The following PEX11A variants were observed in gnomAD, a reference collection of about 807,000 sequenced individuals.
PEX11A encodes peroxisomal biogenesis factor 11 alpha.
A neutral mutation model predicts 14.4 loss-of-function variants in PEX11A; 13 were observed. That is an observed-to-expected ratio of 0.90 (90% CI 0.59 to 1.43). PEX11A has a LOEUF of 1.43. PEX11A is among the 40% of genes most tolerant of loss of function. The pLI is 0.00. For missense variants in PEX11A, 290 were observed against 302.8 expected (o/e 0.96, Z 0.31); for synonymous variants, 101 against 113.0 (o/e 0.89, Z 0.67).
At position 89,681,658 on chromosome 15, in the gene PEX11A, T is replaced by A. The variant is rs1486086038; in HGVS notation, c.*1719A>T. ...AGCTTTCATGTCTCTTAAAATTCCC[T>A]AAATTTTATTTCTCAAATCCCATAT... On this transcript the variant is annotated 3_prime_UTR_variant, in exon 3 of 3. Coordinates refer to ENST00000300056, the MANE Select transcript of PEX11A (RefSeq NM_003847.3). 5.4e-6 allele frequency: 3 copies of A among 550,548 alleles called. No homozygotes were observed. Among genetic ancestry groups the A allele is most frequent in the Non-Finnish European group, 6.5e-6 (2 of 308,868 alleles). The allele number at this position is 550,548 out of a possible 1,614,324, so 34.1% of individuals were successfully genotyped here. A position where few individuals can be genotyped will look rare whatever the true frequency, so the allele number is the denominator to read the frequency against.
chr15:89,686,548 T>C lies in PEX11A; in HGVS notation c.57-2A>G, dbSNP rs753697227. 15 of 1,374,334 alleles carry C rather than the reference T, an allele frequency of 1.1e-5. No homozygotes were observed. The highest frequency in any genetic ancestry group is 1.8e-4 in the Middle Eastern group (1 of 5,492). 85.1% of individuals were successfully genotyped at this position (1,374,334 alleles called of 1,614,324 possible). On this transcript the variant is annotated splice_acceptor_variant, in intron 1 of 2. Transcript: ENST00000300056. LOFTEE classifies it high-confidence loss of function. The stretch of plus-strand genomic sequence containing the variant: ...AACATGCATGTGTACTGAGTGGCTC[T>C]GAAATGGAAAAAAAAAAATTGAGAA...
At chr15:89,687,059 G>T (rs1964688586) in intron 1 of PEX11A, among the ~76,000 whole-genome samples, 2 of 152,056 alleles carry the variant, frequency 1.3e-5, no homozygotes, top group Non-Finnish European at 2.9e-5. Context: ...GAGTAGCTGG[G>T]ATTACAGGTG....
chr15:89,690,488 A>G, intron 1 of PEX11A, 89 bp downstream of exon 1: 3 of 952,174 alleles, frequency 3.2e-6, no homozygotes, highest in Non-Finnish European at 4.8e-6. Flanking sequence ...CTACTAGGCT[A>G]TCACCTCCTT....
rs774027019 is a variant in PEX11A at position 89,683,981 on chromosome 15, T to C, written c.173-33A>G. 82 of 1,421,248 alleles carry C rather than the reference T, an allele frequency of 5.8e-5. No individual in the cohort carries two copies. The East Asian group carries it at 1.2e-3, about 20-fold the overall frequency. 88.0% of individuals were successfully genotyped at this position (1,421,248 alleles called of 1,614,324 possible). A position where few individuals can be genotyped will look rare whatever the true frequency, so the allele number is the denominator to read the frequency against. On this transcript the variant is annotated intron_variant, in intron 2 of 2. Transcript: ENST00000300056. The stretch of plus-strand genomic sequence containing the variant: ...TAGAACCCACAATAGTGAACAGTTA[T>C]TTCATTAGTACACAACAGGAAGATA...
chr15:89,683,761 T>C lies in PEX11A; in HGVS notation c.360A>G (p.Arg120=). ...LTSGINKEKW[R]TRAAHHYYYS... ...AGTAGTAGTGGTGAGCAGCCCTCGT[T>C]CGCCATTTCTCTTTGTTGATGCCAG... The change falls in exon 3 of 3, where the codon CGA becomes CGG. Residue 120 remains arginine (R), a synonymous_variant. Transcript: ENST00000300056. 1 of 1,614,188 alleles carries C rather than the reference T, an allele frequency of 6.2e-7. No individual in the cohort carries two copies. The highest frequency in any genetic ancestry group is 1.3e-5 in the African/African-American group (1 of 75,048).
At chr15:89,685,796 C>T (rs59488765) in intron 2 of PEX11A, among the ~76,000 whole-genome samples, 3,848 of 152,186 alleles carry the variant, frequency 0.025, 169 homozygotes, top group African/African-American at 0.088. Flanking sequence ...ATATGTGATG[C>T]TCTACATTCC....
rs772199866 is a variant in PEX11A at position 89,683,353 on chromosome 15, A to G, written c.*24T>C. ...CAAGAGGCCATCTTTTAAAGTAGGT[A>G]CTAGTTCCAAGCCTAAAAACACCCT... is the stretch of plus-strand genomic sequence containing the variant. On this transcript the variant is annotated 3_prime_UTR_variant, in exon 3 of 3. Coordinates refer to ENST00000300056, the MANE Select transcript of PEX11A (RefSeq NM_003847.3). The G allele has an allele frequency of 1.3e-6, 2 of 1,503,730 alleles. No individual in the cohort carries two copies. Among genetic ancestry groups the G allele is most frequent in the East Asian group, 4.5e-5 (2 of 44,382 alleles). The allele number at this position is 1,503,730 out of a possible 1,614,324, so 93.1% of individuals were successfully genotyped here.
intron 2 of PEX11A, 52 bp downstream of exon 2, chr15:89,686,379 G>T: frequency 1.2e-6 from 1 of 811,618 alleles, no homozygotes; most frequent in Non-Finnish European, 2.2e-6. Flanking sequence ...AGGGTCTGAG[G>T]CTGAGGATTC....
chr15:89,686,430 C>T lies in PEX11A; in HGVS notation c.172+1G>A, dbSNP rs549392524. On this transcript the variant is annotated splice_donor_variant, in intron 2 of 2. Transcript: ENST00000300056. LOFTEE classifies it high-confidence loss of function. ...TGTCCCTCAAGAAACAGGGTACTTA[C>T]ATTTACGACCAGTGCTCACACTGGA... The T allele has an allele frequency of 1.1e-4, 150 of 1,381,288 alleles. No individual in the cohort carries two copies. The highest frequency in any genetic ancestry group is 1.5e-4 in the Non-Finnish European group (145 of 969,220). The allele number at this position is 1,381,288 out of a possible 1,614,324, so 85.6% of individuals were successfully genotyped here.
At chr15:89,685,762 T>C (rs576123963) in intron 2 of PEX11A, among the ~76,000 whole-genome samples, 36 of 152,210 alleles carry the variant, frequency 2.4e-4, no homozygotes, top group African/African-American at 8.2e-4. Flanking sequence ...CTATATAACA[T>C]AGGTGCTCAA....
chr15:89,689,360 G>A (rs1964751344), intron 1 of PEX11A, among the ~76,000 whole-genome samples: 1 of 152,160 alleles, frequency 6.6e-6, no homozygotes, highest in African/African-American at 2.4e-5. Context: ...CAAAACACTG[G>A]GAACAATAGC....
chr15:89,689,325 T>A (rs1462723880), intron 1 of PEX11A, among the ~76,000 whole-genome samples: 1 of 152,174 alleles, frequency 6.6e-6, no homozygotes, highest in African/African-American at 2.4e-5. Flanking sequence ...AGGGTTGTGA[T>A]GAGGGTTATA....
At position 89,690,562 on chromosome 15, in the gene PEX11A, T is replaced by G; in HGVS notation, c.56+15A>C. The stretch of plus-strand genomic sequence containing the variant: ...AGGGCGAGAAAGGGGCGGAGGCCGC[T>G]GGCACCTGACTCACCTGAAGAGTCG... On this transcript the variant is annotated intron_variant, in intron 1 of 2. Transcript: ENST00000300056. 1 of 1,548,870 alleles carries G rather than the reference T, an allele frequency of 6.5e-7. No homozygotes were observed. The highest frequency in any genetic ancestry group is 8.7e-7 in the Non-Finnish European group (1 of 1,145,052).
intron 1 of PEX11A, among the ~76,000 whole-genome samples, chr15:89,687,379 T>C (rs186942415): frequency 6.6e-6 from 1 of 152,362 alleles, no homozygotes; most frequent in African/African-American, 2.4e-5. Context: ...CATCAGTACA[T>C]AAATTAGTAT....
rs1055887200 is a variant in PEX11A at position 89,682,601 on chromosome 15, G to A, written c.*776C>T. On this transcript the variant is annotated 3_prime_UTR_variant, in exon 3 of 3. Coordinates refer to ENST00000300056, the MANE Select transcript of PEX11A (RefSeq NM_003847.3). ...ACATTTCTACTCAATTCTGAAGACA[G>A]TGGGAGAGCATGGAGAGAACACTGG... 1 of 152,254 alleles carries A rather than the reference G, an allele frequency of 6.6e-6. No individual in the cohort carries two copies. Among genetic ancestry groups the A allele is most frequent in the Admixed American group, 6.5e-5 (1 of 15,286 alleles). The allele number at this position is 152,254 out of a possible 1,614,324, so 9.4% of individuals were successfully genotyped here.
chr15:89,687,443 C>T (rs1964694500), intron 1 of PEX11A, among the ~76,000 whole-genome samples: 1 of 152,146 alleles, frequency 6.6e-6, no homozygotes, highest in Admixed American at 6.5e-5. Flanking sequence ...ACATAAAATA[C>T]AGGCAGAATC....
chr15:89,686,316 A>G (rs1333431702), intron 2 of PEX11A, 115 bp downstream of exon 2: 4 of 621,200 alleles, frequency 6.4e-6, no homozygotes, highest in African/African-American at 1.9e-5. Flanking sequence ...CAATTTCACC[A>G]ATAAACTTGA....
At chr15:89,690,080 C>G (rs1282503521) in intron 1 of PEX11A, among the ~76,000 whole-genome samples, 1 of 151,940 alleles carries the variant, frequency 6.6e-6, no homozygotes, top group Admixed American at 6.6e-5. Flanking sequence ...TGCAGTGGGC[C>G]GAGACCGCGC....
chr15:89,685,541 C>A (rs1964665224), intron 2 of PEX11A, among the ~76,000 whole-genome samples: 1 of 151,872 alleles, frequency 6.6e-6, no homozygotes, highest in African/African-American at 2.4e-5. Context: ...TGACAATGAT[C>A]CTCCCATACA....
Sources: allele counts gnomAD v4.1 joint callset (sites outside exome capture counted in the v4.1 genomes callset), GRCh38; gene constraint gnomAD v4.1.1; transcripts MANE v1.5; gene names NCBI Gene and HGNC (gene_info 2026-07-23, HGNC 2026-07-21).